The following ACBD6 variants were observed in gnomAD, a reference collection of about 807,000 sequenced individuals.
The protein encoded by ACBD6 is acyl-CoA binding domain containing 6.
Under a neutral mutation model 37.2 loss-of-function variants are expected in ACBD6, and 28 were observed. The observed-to-expected ratio is 0.75, with a 90% CI of 0.56 to 1.03. ACBD6 has a LOEUF of 1.03. ACBD6 is among the 50% of genes least tolerant of loss of function. The pLI, the probability that ACBD6 is intolerant of heterozygous loss-of-function variation, is 0.00. For synonymous variants in ACBD6, 113 were observed against 126.8 expected, an observed-to-expected ratio of 0.89 and a Z score of 0.73; for missense variants, 340 against 337.4, an observed-to-expected ratio of 1.01 and a Z score of -0.06.
rs557184008 is a variant in ACBD6 at position 180,501,875 on chromosome 1, T to A, written c.222+170A>T. Among the ~76,000 whole-genome samples the A allele has an allele frequency of 1.5e-3, 223 of 149,316 alleles. 2 individuals carry two copies. Among genetic ancestry groups the A allele is most frequent in the Non-Finnish European group, 2.8e-3 (186 of 67,586 alleles). On this transcript the variant is annotated intron_variant, in intron 1 of 7. Coordinates refer to ENST00000367595, the MANE Select transcript of ACBD6 (RefSeq NM_032360.4). ...AAGAAAGCAAACATCTTTTCCACGT[T>A]CAGGATGATGCTCATCCCCAGCAGA... is the stretch of plus-strand genomic sequence containing the variant.
chr1:180,366,178 T>TA (rs1653047405), intron 6 of ACBD6, among the ~76,000 whole-genome samples: 1 of 152,320 alleles, frequency 6.6e-6, no homozygotes, highest in Admixed American at 6.5e-5. Context: ...TCAAACAAGT[T>TA]AGTTCTTTTA....
chr1:180,463,432 T>G (rs1650225678), intron 3 of ACBD6, among the ~76,000 whole-genome samples: 1 of 152,126 alleles, frequency 6.6e-6, no homozygotes, highest in Non-Finnish European at 1.5e-5. Flanking sequence ...AATACCTCTA[T>G]GCATATAAAC....
At chr1:180,473,396 G>A (rs893018598) in intron 3 of ACBD6, among the ~76,000 whole-genome samples, 1 of 144,680 alleles carries the variant, frequency 6.9e-6, no homozygotes, top group Non-Finnish European at 1.5e-5. Context: ...GCAGTGAGCC[G>A]AGATCCCGCC....
Position 180,430,176 on chromosome 1 carries a change from T to G in ACBD6, c.467+4A>C. On this transcript the variant is annotated splice_donor_region_variant and intron_variant, in intron 4 of 7. Transcript: ENST00000367595. ...CTATTATCAAAGATCAGAAGAGAAA[T>G]TACCTGATGGTTTCTTCATGATATA... 1 of 1,611,132 alleles carries G rather than the reference T, an allele frequency of 6.2e-7. No homozygotes were observed. Among genetic ancestry groups the G allele is most frequent in the Non-Finnish European group, 8.5e-7 (1 of 1,177,854 alleles).
intron 7 of ACBD6, among the ~76,000 whole-genome samples, chr1:180,299,811 ATAAG>A (rs1422253148): frequency 1.3e-5 from 2 of 152,160 alleles, no homozygotes; most frequent in Admixed American, 6.6e-5. Flanking sequence ...CAGGCCATTT[ATAAG>A]TAAGACCATA....
chr1:180,311,513 C>T (rs1297593744), intron 7 of ACBD6, among the ~76,000 whole-genome samples: 1 of 152,144 alleles, frequency 6.6e-6, no homozygotes, highest in Non-Finnish European at 1.5e-5. Flanking sequence ...TCATGACTCA[C>T]TGCAGCCTCC....
At chr1:180,452,297 T>C (rs185775105) in intron 3 of ACBD6, among the ~76,000 whole-genome samples, 2 of 151,850 alleles carry the variant, frequency 1.3e-5, no homozygotes, top group Non-Finnish European at 2.9e-5. Flanking sequence ...TAGTGAAACC[T>C]CATCTCTACT....
intron 4 of ACBD6, among the ~76,000 whole-genome samples, chr1:180,423,883 A>C (rs2101988344): frequency 6.6e-6 from 1 of 152,300 alleles, no homozygotes; most frequent in East Asian, 1.9e-4. Context: ...GCTGAGTTAC[A>C]TTCTCAACCA....
intron 3 of ACBD6, among the ~76,000 whole-genome samples, chr1:180,444,661 T>G (rs1649410794): frequency 6.6e-6 from 1 of 152,186 alleles, no homozygotes; most frequent in Non-Finnish European, 1.5e-5. Flanking sequence ...GCTTAGAAGT[T>G]TATTCCATTT....
chr1:180,393,085 G>GGTGT (rs1208270283), intron 6 of ACBD6, among the ~76,000 whole-genome samples: 1 of 151,876 alleles, frequency 6.6e-6, no homozygotes, highest in Admixed American at 6.6e-5. Flanking sequence ...GTCAGAGAAG[G>GGTGT]GTGTGTGTGT....
intron 6 of ACBD6, among the ~76,000 whole-genome samples, chr1:180,358,879 C>T (rs1652735836): frequency 6.6e-6 from 1 of 152,228 alleles, no homozygotes; most frequent in African/African-American, 2.4e-5. Flanking sequence ...CACTTCTGCA[C>T]TGACCTCCTC....
chr1:180,330,054 A>G (rs1336422395), intron 6 of ACBD6, among the ~76,000 whole-genome samples: 1 of 152,188 alleles, frequency 6.6e-6, no homozygotes, highest in Non-Finnish European at 1.5e-5. Flanking sequence ...AATACAGCAA[A>G]ATACAAGGAC....
intron 6 of ACBD6, among the ~76,000 whole-genome samples, chr1:180,318,166 C>CA (rs774078679): frequency 7.7e-5 from 6 of 77,732 alleles, no homozygotes; most frequent in African/African-American, 1.6e-4. Context: ...CATCTCCGCC[C>CA]CCCCCCCCCA....
chr1:180,480,472 T>C (rs1650986469), intron 3 of ACBD6, among the ~76,000 whole-genome samples: 1 of 152,184 alleles, frequency 6.6e-6, no homozygotes, highest in Admixed American at 6.6e-5. Context: ...ACTCAGTATA[T>C]GGCAATACCA....
intron 3 of ACBD6, among the ~76,000 whole-genome samples, chr1:180,451,097 A>G (rs970576091): frequency 6.6e-5 from 10 of 152,224 alleles, no homozygotes; most frequent in African/African-American, 2.2e-4. Flanking sequence ...TACAACAAGA[A>G]AGGGAAATGT....
chr1:180,415,108 AAAAC>A (rs1003636535), intron 4 of ACBD6, among the ~76,000 whole-genome samples: 9 of 151,862 alleles, frequency 5.9e-5, no homozygotes, highest in Non-Finnish European at 7.4e-5. Flanking sequence ...ACAAAAACAA[AAAAC>A]AAACAAACAA....
intron 3 of ACBD6, among the ~76,000 whole-genome samples, chr1:180,444,817 A>G (rs1489979696): frequency 6.6e-6 from 1 of 152,216 alleles, no homozygotes; most frequent in East Asian, 1.9e-4. Flanking sequence ...TCCTTCACTC[A>G]AAAGGGAAAG....
intron 7 of ACBD6, among the ~76,000 whole-genome samples, chr1:180,309,081 C>T (rs1650492911): frequency 1.3e-5 from 2 of 152,206 alleles, no homozygotes; most frequent in South Asian, 2.1e-4. Flanking sequence ...TCTAGCCCCA[C>T]AGCTCCTCTT....
intron 4 of ACBD6, among the ~76,000 whole-genome samples, chr1:180,413,711 A>C (rs1190570446): frequency 2.6e-5 from 4 of 152,126 alleles, no homozygotes; most frequent in Non-Finnish European, 5.9e-5. Context: ...AAGTTTTAAA[A>C]ATATATATGA....
Sources: allele counts gnomAD v4.1 joint callset (sites outside exome capture counted in the v4.1 genomes callset), GRCh38; gene constraint gnomAD v4.1.1; transcripts MANE v1.5; gene names NCBI Gene and HGNC (gene_info 2026-07-23, HGNC 2026-07-21).